CUBN: variants seen among roughly 807,000 people sequenced by gnomAD.
CUBN encodes the protein 460 kDa receptor.
In CUBN, 282 loss-of-function variants were observed where a neutral mutation model predicts 405.3. The ratio of observed to expected loss-of-function variants is 0.70; its 90% CI spans 0.63 to 0.77. CUBN has a LOEUF of 0.77. Among genes scored for constraint, CUBN ranks in the 30% least tolerant of loss-of-function variants. CUBN has a pLI of 0.00. For missense variants in CUBN, 4,514 were observed against 4,475.2 expected, an observed-to-expected ratio of 1.01 and a Z score of -0.25; for synonymous variants, 1,684 against 1,617.0, an observed-to-expected ratio of 1.04 and a Z score of -0.99.
intron 48 of CUBN, among the ~76,000 whole-genome samples, chr10:16,909,958 G>A (rs1438262871): frequency 6.6e-6 from 1 of 152,170 alleles, no homozygotes; most frequent in Admixed American, 6.5e-5. Context: ...CATTCCAGCT[G>A]GATAAGGTAT....
intron 10 of CUBN, among the ~76,000 whole-genome samples, chr10:17,108,407 G>C (rs1836689189): frequency 1.5e-5 from 2 of 135,800 alleles, no homozygotes; most frequent in Non-Finnish European, 1.6e-5. Flanking sequence ...GTGTGTGTGT[G>C]TTTACATACA....
intron 22 of CUBN, among the ~76,000 whole-genome samples, chr10:17,054,684 C>T (rs919268695): frequency 3.3e-5 from 5 of 151,890 alleles, no homozygotes; most frequent in African/African-American, 1.2e-4. Flanking sequence ...GACACCATTA[C>T]AAAAAACTGT....
intron 56 of CUBN, among the ~76,000 whole-genome samples, chr10:16,886,360 A>G (rs898569392): frequency 1.5e-4 from 23 of 152,226 alleles, no homozygotes; most frequent in Non-Finnish European, 2.5e-4. Flanking sequence ...CATTTTGCAA[A>G]GTGTAACTTT....
chr10:17,097,011 A>T (rs1372277038), intron 14 of CUBN, among the ~76,000 whole-genome samples: 1 of 152,128 alleles, frequency 6.6e-6, no homozygotes, highest in African/African-American at 2.4e-5. Flanking sequence ...CTCATTTGTC[A>T]ATGCTTCCAA....
rs1287819550 is a variant in CUBN, at chr10:16,939,059, T to C, written c.5637A>G (p.Gln1879=). ...GAGATGCATTCACATTTACTGTCCA[T>C]TGGTAATTGGAGTTATGTGGGTAGT... The part of the protein sequence containing the change: ...PENYPHNSNY[Q]WTVNVNASHV... Residue 1879 remains glutamine (Q), a synonymous_variant, in exon 38 of 67, where the codon CAA becomes CAG. Transcript: ENST00000377833. 1.9e-6 allele frequency: 3 copies of C among 1,612,602 alleles called. No homozygotes were observed. The highest frequency in any genetic ancestry group is 1.1e-5 in the South Asian group (1 of 91,050).
intron 27 of CUBN, among the ~76,000 whole-genome samples, chr10:17,023,883 G>A (rs367711286): frequency 3.9e-4 from 59 of 152,170 alleles, no homozygotes; most frequent in African/African-American, 1.3e-3. Context: ...CTTCAGATGC[G>A]GAGATGTGTA....
intron 12 of CUBN, among the ~76,000 whole-genome samples, chr10:17,103,439 G>A (rs1564516268): frequency 6.6e-6 from 1 of 152,118 alleles, no homozygotes; most frequent in African/African-American, 2.4e-5. Flanking sequence ...CTCAGCTGAT[G>A]CCTCATCACC....
intron 26 of CUBN, among the ~76,000 whole-genome samples, chr10:17,042,520 A>T (rs1835041485): frequency 6.6e-6 from 1 of 152,160 alleles, no homozygotes. Flanking sequence ...TATGACAGAA[A>T]AATATCTCAG....
intron 15 of CUBN, among the ~76,000 whole-genome samples, chr10:17,087,561 C>T (rs138080288): frequency 1.2e-4 from 17 of 145,356 alleles, no homozygotes; most frequent in African/African-American, 4.3e-4. Context: ...CTGCAACCTC[C>T]GCCTCCCGGG....
At chr10:17,039,748 C>T (rs1355169647) in intron 27 of CUBN, among the ~76,000 whole-genome samples, 2 of 152,112 alleles carry the variant, frequency 1.3e-5, no homozygotes, top group Non-Finnish European at 2.9e-5. Context: ...CATGTTGTGT[C>T]ATATTTTCTT....
In CUBN at chr10:16,903,984, C is replaced by T; in HGVS notation, c.8044G>A (p.Ala2682Thr). 3 of 1,610,636 alleles carry T rather than the reference C, an allele frequency of 1.9e-6. No homozygotes were observed. The highest frequency in any genetic ancestry group is 2.5e-6 in the Non-Finnish European group (3 of 1,177,456). The change falls in exon 51 of 67, where the codon GCA becomes ACA. Residue 2682 changes from alanine to threonine, a missense_variant. Physicochemically the swap from Ala to Thr is moderately conservative, Grantham distance 58. Around this residue, in one of 5 missense-constraint regions of CUBN, gnomAD observed 1,186 missense variants for 1,186.9 expected, o/e 1.00. Transcript: ENST00000377833. ...NERVEHIGFH[A>T]KYSFTDCGGI... Reference sequence around the variant, plus strand: ...TTCTTACCTGTAAAGGAATACTTTGCATGGAATCCAATGTGTTCTACACGT... The same window carrying T: ...TTCTTACCTGTAAAGGAATACTTTGTATGGAATCCAATGTGTTCTACACGT...
intron 36 of CUBN, among the ~76,000 whole-genome samples, chr10:16,940,733 A>G (rs1842629976): frequency 6.6e-6 from 1 of 152,186 alleles, no homozygotes; most frequent in Non-Finnish European, 1.5e-5. Flanking sequence ...AAACCACGAG[A>G]TACCTGGTTT....
intron 31 of CUBN, among the ~76,000 whole-genome samples, chr10:16,956,614 C>A (rs897210269): frequency 4.6e-5 from 7 of 151,900 alleles, no homozygotes; most frequent in African/African-American, 1.7e-4. Context: ...TTTATGCTGT[C>A]CTAAGGTTAT....
At chr10:16,841,301 G>A (rs893554864) in intron 60 of CUBN, among the ~76,000 whole-genome samples, 1 of 152,048 alleles carries the variant, frequency 6.6e-6, no homozygotes, top group Non-Finnish European at 1.5e-5. Context: ...TGTTATGAGA[G>A]TCCGCTCACC....
intron 3 of CUBN, among the ~76,000 whole-genome samples, chr10:17,127,277 T>TTG (rs71507208): frequency 0.28 from 37,732 of 133,242 alleles, 4,872 homozygotes; most frequent in Middle Eastern, 0.36. Context: ...TTTTTTTTTT[T>TTG]TTTTTTCTGG....
chr10:17,111,346 C>T (rs1017374550), intron 8 of CUBN, among the ~76,000 whole-genome samples: 3 of 152,050 alleles, frequency 2.0e-5, no homozygotes, highest in Non-Finnish European at 4.4e-5. Context: ...ACTTTGACTG[C>T]CAGTTGCACC....
At chr10:17,036,144 T>C (rs1170737017) in intron 27 of CUBN, among the ~76,000 whole-genome samples, 1 of 152,046 alleles carries the variant, frequency 6.6e-6, no homozygotes, top group African/African-American at 2.4e-5. Flanking sequence ...CCCTAATGAG[T>C]ATCGTCCATA....
intron 31 of CUBN, among the ~76,000 whole-genome samples, chr10:16,966,345 C>T (rs1483670426): frequency 2.0e-5 from 3 of 152,168 alleles, no homozygotes; most frequent in Non-Finnish European, 4.4e-5. Flanking sequence ...AAACTTGATT[C>T]TATTCCTGGA....
intron 35 of CUBN, 33 bp from the exon 36 acceptor site, chr10:16,947,400 A>T: frequency 2.5e-6 from 4 of 1,612,828 alleles, no homozygotes; most frequent in Non-Finnish European, 2.5e-6. Context: ...TGAGTATCAG[A>T]GCAAAGACTG....
Sources: gnomAD v4.1 joint callset for allele counts (sites outside exome capture counted in the v4.1 genomes callset) on GRCh38, gnomAD v4.1.1 for gene constraint, gnomAD v4.1.1 regional missense constraint, MANE v1.5 for transcripts, NCBI Gene and HGNC (gene_info 2026-07-23, HGNC 2026-07-21) for gene names.